Variants in TTLL1 observed in about 807,000 individuals in gnomAD.
The protein encoded by TTLL1 is polyglutamylase complex subunit TTLL1.
A neutral mutation model predicts 47.8 loss-of-function variants in TTLL1; 33 were observed. That is an observed-to-expected ratio of 0.69 (90% CI 0.52 to 0.92). The LOEUF (loss-of-function observed/expected upper bound fraction) is 0.92, where lower values mean the gene tolerates loss of function less well. Among genes scored for constraint, TTLL1 ranks in the 40% least tolerant of loss-of-function variants. TTLL1 has a pLI of 0.00. For missense variants in TTLL1, 488 were observed against 547.5 expected, an observed-to-expected ratio of 0.89 and a Z score of 1.08; for synonymous variants, 225 against 214.1, an observed-to-expected ratio of 1.05 and a Z score of -0.45.
intron 7 of TTLL1, 34 bp from the exon 8 acceptor site, chr22:43,059,561 G>A (rs756399315): frequency 1.9e-6 from 3 of 1,598,556 alleles, no homozygotes; most frequent in Admixed American, 1.7e-5. Context: ...CATCCCTCAG[G>A]CTATGCACCC....
intron 3 of TTLL1, among the ~76,000 whole-genome samples, chr22:43,073,325 C>CTGTT (rs767122813): frequency 0.075 from 10,682 of 142,706 alleles, 532 homozygotes; most frequent in Non-Finnish European, 0.11. Flanking sequence ...TGCGCCCGGT[C>CTGTT]TATTTATTTA....
rs1486083387 is a variant in TTLL1 at position 43,059,446 on chromosome 22, C to T, written c.829G>A (p.Val277Met). ...LYLESTRGKE[V>M]TSKLFDEIHW... ...ATCTCGTCGAACAGCTTGCTGGTCA[C>T]CTCCTTGCCGCGGGTGCTCTCCAGG... Residue 277 changes from valine to methionine, a missense_variant, in exon 8 of 11, where the codon GTG becomes ATG. Coordinates refer to ENST00000266254, the MANE Select transcript of TTLL1 (RefSeq NM_012263.5). 1 of 1,614,106 alleles carries T rather than the reference C, an allele frequency of 6.2e-7. No individual in the cohort carries two copies. The highest frequency in any genetic ancestry group is 1.1e-5 in the South Asian group (1 of 91,082).
At chr22:43,078,453 A>C (rs1209771516) in intron 2 of TTLL1, among the ~76,000 whole-genome samples, 1 of 152,080 alleles carries the variant, frequency 6.6e-6, no homozygotes, top group Non-Finnish European at 1.5e-5. Context: ...CCAAGATCGC[A>C]CCATTGCACT....
chr22:43,074,143 T>C (rs1261128673), intron 3 of TTLL1, among the ~76,000 whole-genome samples: 1 of 151,790 alleles, frequency 6.6e-6, no homozygotes, highest in Non-Finnish European at 1.5e-5. Flanking sequence ...ATCAATTAGC[T>C]TGGCCAGGCA....
intron 7 of TTLL1, among the ~76,000 whole-genome samples, chr22:43,061,123 G>C (rs1224026829): frequency 6.6e-6 from 1 of 152,216 alleles, no homozygotes; most frequent in Non-Finnish European, 1.5e-5. Flanking sequence ...CCGGAAGGCA[G>C]AGGTTGCAGT....
intron 10 of TTLL1, among the ~76,000 whole-genome samples, chr22:43,042,254 C>G (rs1271404379): frequency 6.6e-6 from 1 of 152,172 alleles, no homozygotes; most frequent in African/African-American, 2.4e-5. Flanking sequence ...TCACGGAGCA[C>G]TTGTGCTGAT....
chr22:43,062,620 A>G (rs1373703552), intron 7 of TTLL1, among the ~76,000 whole-genome samples: 1 of 152,140 alleles, frequency 6.6e-6, no homozygotes, highest in Non-Finnish European at 1.5e-5. Flanking sequence ...ACTTGAGAAA[A>G]TGAGTTCGAG....
intron 5 of TTLL1, among the ~76,000 whole-genome samples, chr22:43,065,533 G>A (rs558301221): frequency 1.9e-3 from 289 of 151,934 alleles, no homozygotes; most frequent in Non-Finnish European, 3.5e-3. Context: ...CAAGTGATCC[G>A]CCTGCCTTGG....
rs1927557395 is a variant in TTLL1, at chr22:43,063,918, G to A, written c.642C>T (p.Tyr214=). The A allele has an allele frequency of 1.2e-6, 2 of 1,613,800 alleles. No individual in the cohort carries two copies. Among genetic ancestry groups the A allele is most frequent in the Non-Finnish European group, 1.7e-6 (2 of 1,179,838 alleles). Residue 214 remains tyrosine, a synonymous_variant, in exon 7 of 11, where the codon TAC becomes TAT. Coordinates refer to ENST00000266254, the MANE Select transcript of TTLL1 (RefSeq NM_012263.5). ...STYRPLRCYM[Y]KLGFCRFCTV... ...TGCAGAACCGGCAAAACCCAAGCTT[G>A]TACCTAGGAGGGAATGTAGATTAAT...
intron 5 of TTLL1, among the ~76,000 whole-genome samples, chr22:43,066,549 C>T (rs545151540): frequency 1.3e-5 from 2 of 151,920 alleles, no homozygotes; most frequent in Admixed American, 1.3e-4. Context: ...CATGATGAAA[C>T]CCTGCCTCTA....
At chr22:43,056,929 A>T (rs1927055670) in intron 8 of TTLL1, among the ~76,000 whole-genome samples, 1 of 152,166 alleles carries the variant, frequency 6.6e-6, no homozygotes. Context: ...ACTAGCTGGG[A>T]TCACAAGTAT....
chr22:43,087,728 TC>T lies in TTLL1; in HGVS notation c.-90+1548del, dbSNP rs1929320967. On this transcript the variant is annotated intron_variant, in intron 1 of 10. Transcript: ENST00000266254. Reference sequence around the variant, plus strand: ...TGGTGGGCGCCTGTAATCCAAGCTATCTGGGAGGCTGAGGTGGGAGGATTGC... The same window carrying T: ...TGGTGGGCGCCTGTAATCCAAGCTATTGGGAGGCTGAGGTGGGAGGATTGC... Among the ~76,000 whole-genome samples the T allele has an allele frequency of 2.7e-5, 4 of 146,674 alleles. No homozygotes were observed. The South Asian group carries it at 6.5e-4, about 24-fold the overall frequency.
intron 5 of TTLL1, among the ~76,000 whole-genome samples, chr22:43,064,912 G>A (rs1055847810): frequency 7.2e-5 from 11 of 152,046 alleles, no homozygotes; most frequent in African/African-American, 4.8e-5. Flanking sequence ...TTGGGAGGCC[G>A]AGGCGGGTGG....
intron 9 of TTLL1, among the ~76,000 whole-genome samples, chr22:43,049,841 C>G (rs571902167): frequency 9.9e-5 from 15 of 151,938 alleles, no homozygotes; most frequent in Admixed American, 3.3e-4. Flanking sequence ...CGCCTGTCAT[C>G]CTAGCACTTT....
intron 7 of TTLL1, among the ~76,000 whole-genome samples, 183 bp from the exon 8 acceptor site, chr22:43,059,710 G>A (rs113675487): frequency 7.2e-5 from 11 of 152,162 alleles, no homozygotes; most frequent in Admixed American, 2.0e-4. Context: ...TTTGTTTTAA[G>A]ACAGGGTCTC....
intron 8 of TTLL1, among the ~76,000 whole-genome samples, chr22:43,057,104 T>C (rs1927067559): frequency 6.6e-6 from 1 of 151,944 alleles, no homozygotes; most frequent in South Asian, 2.1e-4. Flanking sequence ...ACTCTGTCAG[T>C]ACTAAAAATA....
intron 2 of TTLL1, among the ~76,000 whole-genome samples, chr22:43,076,973 C>G (rs1188874275): frequency 6.6e-6 from 1 of 151,344 alleles, no homozygotes; most frequent in South Asian, 2.1e-4. Flanking sequence ...CGGTGGCAGG[C>G]GCCTGTAGTC....
rs1247545081 is a variant in TTLL1, at chr22:43,068,576, T to C, written c.337A>G (p.Thr113Ala). The C allele has an allele frequency of 6.7e-7, 1 of 1,493,348 alleles. No homozygotes were observed. Among genetic ancestry groups the C allele is most frequent in the Admixed American group, 1.9e-5 (1 of 53,192 alleles). The allele number at this position is 1,493,348 out of a possible 1,614,324, so 92.5% of individuals were successfully genotyped here. A position where few individuals can be genotyped will look rare whatever the true frequency, so the allele number is the denominator to read the frequency against. Residue 113 changes from threonine (T) to alanine (A), a missense_variant, in exon 5 of 11, where the codon ACC (threonine) becomes GCC (alanine). Physicochemically the swap from Thr to Ala is moderately conservative, Grantham distance 58. Coordinates refer to ENST00000266254, the MANE Select transcript of TTLL1 (RefSeq NM_012263.5). The part of the protein sequence containing the change: ...KYLYLDFVPV[T>A]YMLPADYNLF... ...TTGTAGTCAGCGGGCAGCATATAGGTGACTGGAACAAAGTCTGCAAGGCAA... is the reference window on the plus strand; with the variant it reads ...TTGTAGTCAGCGGGCAGCATATAGGCGACTGGAACAAAGTCTGCAAGGCAA...
chr22:43,084,382 T>C (rs1929091621), intron 1 of TTLL1, among the ~76,000 whole-genome samples: 1 of 152,052 alleles, frequency 6.6e-6, no homozygotes. Context: ...ACTCCTAACC[T>C]CACGTGATCC....
Sources: gnomAD v4.1 joint callset for allele counts (sites outside exome capture counted in the v4.1 genomes callset) on GRCh38, gnomAD v4.1.1 for gene constraint, MANE v1.5 for transcripts, NCBI Gene and HGNC (gene_info 2026-07-23, HGNC 2026-07-21) for gene names.